ADAMTS6: variants seen among roughly 807,000 people sequenced by gnomAD.
ADAMTS6 encodes A disintegrin and metalloproteinase with thrombospondin motifs 6.
A neutral mutation model predicts 144.3 loss-of-function variants in ADAMTS6; 23 were observed. The ratio of observed to expected loss-of-function variants is 0.16; its 90% CI spans 0.11 to 0.23. ADAMTS6 has a LOEUF of 0.23. ADAMTS6 is among the 10% of genes least tolerant of loss of function. ADAMTS6 has a pLI of 1.00. For missense variants in ADAMTS6, 999 were observed against 1,379.6 expected, an observed-to-expected ratio of 0.72 and a Z score of 4.37; for synonymous variants, 444 against 457.5, an observed-to-expected ratio of 0.97 and a Z score of 0.38.
intron 7 of ADAMTS6, among the ~76,000 whole-genome samples, chr5:65,398,829 AAAG>A (rs1181279529): frequency 6.8e-6 from 1 of 147,246 alleles, no homozygotes; most frequent in Non-Finnish European, 1.5e-5. Flanking sequence ...AGAAAGAAAG[AAAG>A]AAAGAAAGAA....
chr5:65,215,411 A>G lies in ADAMTS6; in HGVS notation c.2349T>C (p.Ala783=), dbSNP rs963377230. Residue 783 remains alanine (A), a synonymous_variant, in exon 19 of 25, where the codon GCT becomes GCC. Coordinates refer to ENST00000381055, the MANE Select transcript of ADAMTS6 (RefSeq NM_197941.4). ...GTCTCTTGTAATGAAAAGCTGTCCC[A>G]GCAACATCAAATTTCCTAGGCCAGT... ...TIDWPRKFDV[A]GTAFHYKRPT... 4 of 1,614,018 alleles carry G rather than the reference A, an allele frequency of 2.5e-6. No homozygotes were observed. The African/African-American group carries it at 4.0e-5, about 16-fold the overall frequency.
chr5:65,284,707 G>C (rs1763234005), intron 11 of ADAMTS6, among the ~76,000 whole-genome samples: 1 of 152,054 alleles, frequency 6.6e-6, no homozygotes, highest in Non-Finnish European at 1.5e-5. Context: ...AAACTTTCAA[G>C]TTTGGTGATC....
At chr5:65,297,383 T>C (rs1742942387) in intron 10 of ADAMTS6, 1 of 370,634 alleles carries the variant, frequency 2.7e-6, no homozygotes. Context: ...ATTGTGAATC[T>C]CTATAAATCA....
At chr5:65,351,826 G>A (rs568807960) in intron 7 of ADAMTS6, among the ~76,000 whole-genome samples, 28 of 151,770 alleles carry the variant, frequency 1.8e-4, no homozygotes, top group African/African-American at 6.8e-4. Context: ...AAGAGAAGAA[G>A]AAGAAGGAAA....
At chr5:65,213,723 T>C (rs1756700165) in intron 20 of ADAMTS6, among the ~76,000 whole-genome samples, 1 of 152,106 alleles carries the variant, frequency 6.6e-6, no homozygotes, top group East Asian at 1.9e-4. Flanking sequence ...ACCTCTCTGA[T>C]TTAAGACTTG....
chr5:65,273,636 C>T (rs545625209), intron 11 of ADAMTS6, among the ~76,000 whole-genome samples, 189 bp from the exon 12 acceptor site: 1 of 152,154 alleles, frequency 6.6e-6, no homozygotes, highest in Non-Finnish European at 1.5e-5. Context: ...AACTATTTGT[C>T]TTTGCAATTC....
intron 22 of ADAMTS6, among the ~76,000 whole-genome samples, chr5:65,177,103 A>G (rs1460409757): frequency 6.6e-6 from 1 of 152,182 alleles, no homozygotes; most frequent in Non-Finnish European, 1.5e-5. Flanking sequence ...GAAAAACTCA[A>G]GCCAGCCTCA....
At chr5:65,264,199 G>T (rs1561349138) in intron 12 of ADAMTS6, among the ~76,000 whole-genome samples, 1 of 152,000 alleles carries the variant, frequency 6.6e-6, no homozygotes, top group Non-Finnish European at 1.5e-5. Flanking sequence ...ATCACATTAT[G>T]CCACCTTTTT....
intron 3 of ADAMTS6, among the ~76,000 whole-genome samples, chr5:65,462,718 G>T (rs938747599): frequency 6.6e-6 from 1 of 152,164 alleles, no homozygotes; most frequent in Non-Finnish European, 1.5e-5. Flanking sequence ...TATGCTATGT[G>T]GTAGGGATAC....
At chr5:65,158,104 G>A (rs1752535435) in intron 24 of ADAMTS6, among the ~76,000 whole-genome samples, 1 of 152,152 alleles carries the variant, frequency 6.6e-6, no homozygotes, top group Non-Finnish European at 1.5e-5. Flanking sequence ...CCAGGAATGT[G>A]AACCTGCATG....
chr5:65,435,922 G>A (rs371704956), intron 7 of ADAMTS6, among the ~76,000 whole-genome samples: 7 of 151,638 alleles, frequency 4.6e-5, no homozygotes, highest in Admixed American at 1.3e-4. Flanking sequence ...CACTGCACCC[G>A]GCCTTAAAAT....
At chr5:65,311,583 T>C (rs1744496857) in intron 9 of ADAMTS6, among the ~76,000 whole-genome samples, 1 of 152,134 alleles carries the variant, frequency 6.6e-6, no homozygotes, top group African/African-American at 2.4e-5. Context: ...ACCTTTTCAT[T>C]TTTTAAGATA....
intron 3 of ADAMTS6, among the ~76,000 whole-genome samples, chr5:65,467,244 A>G (rs1302215325): frequency 1.3e-5 from 2 of 152,040 alleles, no homozygotes; most frequent in South Asian, 2.1e-4. Context: ...TTCCAGAAAG[A>G]GAGTGCAGGG....
At chr5:65,390,214 G>A (rs1752801234) in intron 7 of ADAMTS6, among the ~76,000 whole-genome samples, 1 of 152,186 alleles carries the variant, frequency 6.6e-6, no homozygotes, top group Admixed American at 6.5e-5. Flanking sequence ...TCACTAAAGT[G>A]AGAGATTTCA....
Position 65,433,259 on chromosome 5 carries a change from T to A in ADAMTS6, c.1073+18216A>T, listed in dbSNP as rs567972673. On this transcript the variant is annotated intron_variant, in intron 7 of 24. Coordinates refer to ENST00000381055, the MANE Select transcript of ADAMTS6 (RefSeq NM_197941.4). ...TAGTATGTGACTAACACACAGTTAA[T>A]AATAGCTCCAAATTATTAATATGCC... Among the ~76,000 whole-genome samples, 3 of 152,278 alleles carry A rather than the reference T, an allele frequency of 2.0e-5. No individual in the cohort carries two copies. The East Asian group carries it at 5.8e-4, about 29-fold the overall frequency.
At chr5:65,192,390 T>A (rs1164493475) in intron 21 of ADAMTS6, among the ~76,000 whole-genome samples, 1 of 152,046 alleles carries the variant, frequency 6.6e-6, no homozygotes, top group African/African-American at 2.4e-5. Context: ...AAATTCTTGG[T>A]CACAATATTA....
At chr5:65,318,185 T>C (rs1745205260) in intron 9 of ADAMTS6, among the ~76,000 whole-genome samples, 1 of 152,000 alleles carries the variant, frequency 6.6e-6, no homozygotes, top group East Asian at 1.9e-4. Context: ...TGAGATATCA[T>C]CTCACCCCAG....
intron 7 of ADAMTS6, among the ~76,000 whole-genome samples, chr5:65,434,588 G>C (rs2201292): frequency 6.6e-6 from 1 of 151,916 alleles, no homozygotes; most frequent in Non-Finnish European, 1.5e-5. Context: ...GACAAACTAA[G>C]TTCATAACAG....
Position 65,260,533 on chromosome 5 carries a change from A to T in ADAMTS6, c.1830+67T>A, listed in dbSNP as rs767959436. The T allele has an allele frequency of 3.4e-5, 45 of 1,317,632 alleles. No individual in the cohort carries two copies. The East Asian group carries it at 3.8e-4, about 11-fold the overall frequency. The allele number at this position is 1,317,632 out of a possible 1,614,324, so 81.6% of individuals were successfully genotyped here. A position where few individuals can be genotyped will look rare whatever the true frequency, so the allele number is the denominator to read the frequency against. ...ATTTCTTATCAAATAGTTTAAAATT[A>T]AAAAAATTTCCCTACTCTAGGGAAA... On this transcript the variant is annotated intron_variant, in intron 14 of 24. Coordinates refer to ENST00000381055, the MANE Select transcript of ADAMTS6 (RefSeq NM_197941.4).
Sources: gnomAD v4.1 joint callset for allele counts (sites outside exome capture counted in the v4.1 genomes callset) on GRCh38, gnomAD v4.1.1 for gene constraint, MANE v1.5 for transcripts, NCBI Gene and HGNC (gene_info 2026-07-23, HGNC 2026-07-21) for gene names.